EYA1: variants seen among roughly 807,000 people sequenced by gnomAD.
EYA1 encodes EYA transcriptional coactivator and phosphatase 1, also known as protein phosphatase EYA1.
Under a neutral mutation model 82.0 loss-of-function variants are expected in EYA1, and 16 were observed. The observed-to-expected ratio is 0.20, with a 90% CI of 0.13 to 0.30. The LOEUF (loss-of-function observed/expected upper bound fraction) is 0.30. Among genes scored for constraint, EYA1 ranks in the 10% least tolerant of loss-of-function variants. The pLI is 1.00. For missense variants in EYA1, 633 were observed against 730.7 expected (o/e 0.87, Z 1.54); for synonymous variants, 261 against 264.4 (o/e 0.99, Z 0.12).
chr8:71,275,053 G>C (rs572474144), intron 9 of EYA1, among the ~76,000 whole-genome samples: 138 of 147,760 alleles, frequency 9.3e-4, no homozygotes, highest in African/African-American at 3.3e-3. Context: ...ACAGAGATGA[G>C]GCTGGAGTGG....
chr8:71,221,941 A>T (rs1269592892), intron 12 of EYA1, among the ~76,000 whole-genome samples: 1 of 152,224 alleles, frequency 6.6e-6, no homozygotes, highest in Non-Finnish European at 1.5e-5. Context: ...GGGGCAATGC[A>T]CATGCCGGCA....
intron 9 of EYA1, among the ~76,000 whole-genome samples, chr8:71,295,276 C>G (rs998730234): frequency 1.3e-5 from 2 of 151,992 alleles, no homozygotes; most frequent in Non-Finnish European, 2.9e-5. Flanking sequence ...AAAGACACTG[C>G]TAAGAGAAAA....
intron 4 of EYA1, among the ~76,000 whole-genome samples, chr8:71,322,942 T>G (rs928914063): frequency 5.9e-5 from 9 of 152,324 alleles, no homozygotes; most frequent in Middle Eastern, 3.4e-3. Context: ...AAGGTTTGCC[T>G]TTATTTTTTA....
intron 11 of EYA1, among the ~76,000 whole-genome samples, chr8:71,247,885 T>A (rs1183849204): frequency 6.6e-6 from 1 of 152,348 alleles, no homozygotes; most frequent in African/African-American, 2.4e-5. Flanking sequence ...AATCTTTTTA[T>A]GTGGCAAGGA....
chr8:71,493,859 T>C (rs2129227873), intron 2 of EYA1, among the ~76,000 whole-genome samples: 1 of 147,764 alleles, frequency 6.8e-6, no homozygotes, highest in Admixed American at 6.7e-5. Context: ...CCGTCTCTAC[T>C]AAAAATACAA....
chr8:71,203,874 A>T (rs1807391586), intron 17 of EYA1, among the ~76,000 whole-genome samples: 1 of 152,086 alleles, frequency 6.6e-6, no homozygotes, highest in Non-Finnish European at 1.5e-5. Context: ...AGTTCATGTG[A>T]CTCAGCGGTG....
intron 2 of EYA1, among the ~76,000 whole-genome samples, chr8:71,418,258 G>A (rs966701988): frequency 2.6e-5 from 4 of 152,068 alleles, no homozygotes; most frequent in Non-Finnish European, 4.4e-5. Context: ...TGGTTCGCAC[G>A]GTGTTTTTAA....
intron 1 of EYA1, among the ~76,000 whole-genome samples, chr8:71,543,809 T>G: frequency 6.6e-6 from 1 of 152,332 alleles, no homozygotes; most frequent in Admixed American, 6.5e-5. Flanking sequence ...TCAATTGATA[T>G]GTCAGTAATT....
intron 11 of EYA1, among the ~76,000 whole-genome samples, chr8:71,245,854 CATGCCATACTCAG>C (rs1292144994): frequency 6.6e-6 from 1 of 152,156 alleles, no homozygotes; most frequent in African/African-American, 2.4e-5. Context: ...TCAAACAGCC[CATGCCATACTCAG>C]AGAGCAGTGC....
chr8:71,486,087 T>A (rs1194284965), intron 2 of EYA1, among the ~76,000 whole-genome samples: 2 of 152,266 alleles, frequency 1.3e-5, no homozygotes, highest in Admixed American at 1.3e-4. Flanking sequence ...GGCAGAATCA[T>A]CCCTGCAAGT....
chr8:71,398,791 C>T (rs578013537), intron 2 of EYA1, among the ~76,000 whole-genome samples: 5 of 152,322 alleles, frequency 3.3e-5, no homozygotes, highest in South Asian at 2.1e-4. Flanking sequence ...TCTCAAACTC[C>T]GTGCTGGGAG....
At chr8:71,265,220 T>G (rs1249371527) in intron 11 of EYA1, among the ~76,000 whole-genome samples, 1 of 152,180 alleles carries the variant, frequency 6.6e-6, no homozygotes, top group Non-Finnish European at 1.5e-5. Flanking sequence ...TGGTATTTGT[T>G]GAAATTTTTT....
At chr8:71,465,739 T>C (rs1808723823) in intron 2 of EYA1, among the ~76,000 whole-genome samples, 1 of 152,222 alleles carries the variant, frequency 6.6e-6, no homozygotes, top group African/African-American at 2.4e-5. Flanking sequence ...TTTGAATGTG[T>C]CCCCTCCAAA....
At chr8:71,208,203 C>T (rs1438680358) in intron 17 of EYA1, among the ~76,000 whole-genome samples, 1 of 151,868 alleles carries the variant, frequency 6.6e-6, no homozygotes, top group Non-Finnish European at 1.5e-5. Flanking sequence ...GAGGCAGAGG[C>T]GAGTGGATCA....
In EYA1 at chr8:71,457,079, C is replaced by T. The variant is rs1176283141; in HGVS notation, c.33+78665G>A. ...AAATTTACAAGAAAAAAACAAACAACCCCATCAAAAAGTGGGCAAAGGATA... is the reference window on the plus strand; with the variant it reads ...AAATTTACAAGAAAAAAACAAACAATCCCATCAAAAAGTGGGCAAAGGATA... On this transcript the variant is annotated intron_variant, in intron 2 of 18. Transcript: ENST00000643681. 5.9e-5 allele frequency among the ~76,000 whole-genome samples: 9 copies of T among 152,222 alleles called. No individual in the cohort carries two copies. In the South Asian group the frequency reaches 1.7e-3, roughly 28 times the overall value.
intron 2 of EYA1, among the ~76,000 whole-genome samples, chr8:71,486,840 G>A (rs573037720): frequency 1.3e-5 from 2 of 151,890 alleles, no homozygotes; most frequent in African/African-American, 4.8e-5. Context: ...GAATATTAGA[G>A]ATCCCAGCTC....
At chr8:71,487,162 C>CT (rs1810636613) in intron 2 of EYA1, among the ~76,000 whole-genome samples, 1 of 151,832 alleles carries the variant, frequency 6.6e-6, no homozygotes, top group African/African-American at 2.4e-5. Context: ...GACAATGAGA[C>CT]TAAGTATTTG....
At chr8:71,201,325 C>G (rs1036479352) in intron 17 of EYA1, among the ~76,000 whole-genome samples, 3 of 150,698 alleles carry the variant, frequency 2.0e-5, no homozygotes, top group African/African-American at 7.3e-5. Context: ...ATCCATATAC[C>G]AGGTGTGACT....
intron 2 of EYA1, among the ~76,000 whole-genome samples, chr8:71,514,695 G>A (rs187387397): frequency 6.6e-6 from 1 of 152,004 alleles, no homozygotes; most frequent in Admixed American, 6.6e-5. Flanking sequence ...GGAAAGATGG[G>A]CCCCCATGAT....
Sources: gnomAD v4.1 joint callset for allele counts (sites outside exome capture counted in the v4.1 genomes callset) on GRCh38, gnomAD v4.1.1 for gene constraint, MANE v1.5 for transcripts, NCBI Gene and HGNC (gene_info 2026-07-23, HGNC 2026-07-21) for gene names.